IQCM: variants seen among roughly 807,000 people sequenced by gnomAD.
The protein encoded by IQCM is IQ domain-containing protein M.
A neutral mutation model predicts 57.6 loss-of-function variants in IQCM; 45 were observed. That is an observed-to-expected ratio of 0.78 (90% CI 0.62 to 1.00). The LOEUF is 1.00. IQCM is among the 50% of genes least tolerant of loss of function. The pLI, the probability that IQCM is intolerant of heterozygous loss-of-function variation, is 0.00. For synonymous variants in IQCM, 148 were observed against 158.9 expected (o/e 0.93, Z 0.51); for missense variants, 468 against 511.6 (o/e 0.91, Z 0.82).
At chr4:149,644,050 G>C (rs1758430592) in intron 7 of IQCM, among the ~76,000 whole-genome samples, 1 of 152,134 alleles carries the variant, frequency 6.6e-6, no homozygotes. Context: ...TGAAAATCAT[G>C]CTCCAAGAAA....
intron 7 of IQCM, among the ~76,000 whole-genome samples, chr4:149,680,136 A>G (rs1054704083): frequency 1.8e-4 from 27 of 151,464 alleles, no homozygotes; most frequent in African/African-American, 6.3e-4. Flanking sequence ...GAAAATCCCT[A>G]TTCTTATCTG....
chr4:149,402,334 A>C (rs555730737), intron 13 of IQCM, among the ~76,000 whole-genome samples: 1 of 151,800 alleles, frequency 6.6e-6, no homozygotes, highest in African/African-American at 2.4e-5. Context: ...TGGGGGCCTA[A>C]GGTCACAAAA....
At chr4:149,763,797 T>C (rs1769766848) in intron 2 of IQCM, among the ~76,000 whole-genome samples, 1 of 151,666 alleles carries the variant, frequency 6.6e-6, no homozygotes, top group Non-Finnish European at 1.5e-5. Flanking sequence ...CACTATGAAA[T>C]GAATGAAGAG....
At chr4:149,420,247 G>A (rs1184031734) in intron 13 of IQCM, among the ~76,000 whole-genome samples, 5 of 151,980 alleles carry the variant, frequency 3.3e-5, no homozygotes, top group Non-Finnish European at 7.4e-5. Context: ...CAAACCAAAT[G>A]CCCATCAATG....
chr4:149,548,658 G>C (rs1237734212), intron 11 of IQCM, 69 bp from the exon 12 acceptor site: 7 of 773,990 alleles, frequency 9.0e-6, no homozygotes, highest in Admixed American at 4.3e-5. Context: ...TTTAACTCTA[G>C]CTTTATTTTC....
chr4:149,351,950 A>G lies in IQCM; in HGVS notation c.*1T>C. ...TTACAGGTAATAATATGTTGGAAAC[A>G]TCATTCAACTTTACATGACTTATAA... On this transcript the variant is annotated 3_prime_UTR_variant, in exon 14 of 14. Transcript: ENST00000636793. 2.5e-6 allele frequency: 1 copy of G among 398,964 alleles called. No individual in the cohort carries two copies. Among genetic ancestry groups the G allele is most frequent in the Non-Finnish European group, 4.4e-6 (1 of 226,016 alleles). 24.7% of individuals were successfully genotyped at this position (398,964 alleles called of 1,614,324 possible).
intron 13 of IQCM, among the ~76,000 whole-genome samples, chr4:149,407,133 A>T (rs538939437): frequency 1.7e-3 from 254 of 152,246 alleles, no homozygotes; most frequent in Middle Eastern, 0.014. Context: ...TGAGAACAGT[A>T]TGGGGGAAAC....
chr4:149,793,873 C>A (rs566562972), intron 2 of IQCM, among the ~76,000 whole-genome samples: 1 of 152,300 alleles, frequency 6.6e-6, no homozygotes, highest in Non-Finnish European at 1.5e-5. Flanking sequence ...GGCAGGAGGG[C>A]AGACTGAGCA....
At chr4:149,753,956 G>T (rs1449411403) in intron 2 of IQCM, among the ~76,000 whole-genome samples, 5 of 151,930 alleles carry the variant, frequency 3.3e-5, no homozygotes, top group African/African-American at 1.2e-4. Context: ...ACTTCCTAGT[G>T]AGTATCAGAA....
intron 13 of IQCM, among the ~76,000 whole-genome samples, chr4:149,384,553 T>G (rs1731286426): frequency 6.6e-6 from 1 of 152,100 alleles, no homozygotes; most frequent in Non-Finnish European, 1.5e-5. Context: ...AATTTACCGT[T>G]TTTAGAAGGC....
At chr4:149,513,025 A>G (rs1744583125) in intron 12 of IQCM, among the ~76,000 whole-genome samples, 1 of 152,232 alleles carries the variant, frequency 6.6e-6, no homozygotes, top group Non-Finnish European at 1.5e-5. Flanking sequence ...AATGCAGACT[A>G]GTGAACTATT....
intron 12 of IQCM, among the ~76,000 whole-genome samples, chr4:149,481,873 T>A (rs1740934490): frequency 6.6e-6 from 1 of 151,170 alleles, no homozygotes; most frequent in South Asian, 2.1e-4. Flanking sequence ...GTATGGACAT[T>A]TTAAAAATAG....
intron 7 of IQCM, among the ~76,000 whole-genome samples, chr4:149,669,202 G>T (rs996959894): frequency 6.6e-6 from 1 of 152,060 alleles, no homozygotes; most frequent in African/African-American, 2.4e-5. Context: ...TCTCGTTGTG[G>T]TTTTGATTTG....
intron 13 of IQCM, among the ~76,000 whole-genome samples, chr4:149,426,831 C>A (rs1374135410): frequency 6.6e-6 from 1 of 151,904 alleles, no homozygotes; most frequent in African/African-American, 2.4e-5. Context: ...CTGCTATATT[C>A]TATTGGTAAC....
At chr4:149,634,643 G>A (rs1012384519) in intron 7 of IQCM, among the ~76,000 whole-genome samples, 2 of 152,214 alleles carry the variant, frequency 1.3e-5, no homozygotes, top group East Asian at 3.9e-4. Flanking sequence ...TATAACAAAA[G>A]CCTTTAACCT....
intron 5 of IQCM, among the ~76,000 whole-genome samples, chr4:149,696,394 A>G (rs1763344142): frequency 6.6e-6 from 1 of 151,892 alleles, no homozygotes; most frequent in South Asian, 2.1e-4. Flanking sequence ...CTTCTATCAG[A>G]CCTCCAATGA....
At chr4:149,688,136 A>G (rs1322142538) in intron 5 of IQCM, among the ~76,000 whole-genome samples, 1 of 152,018 alleles carries the variant, frequency 6.6e-6, no homozygotes, top group Non-Finnish European at 1.5e-5. Context: ...AGGGCATCCA[A>G]ATCTCTAAAG....
At chr4:149,660,384 G>A (rs2150152741) in intron 7 of IQCM, among the ~76,000 whole-genome samples, 1 of 152,152 alleles carries the variant, frequency 6.6e-6, no homozygotes, top group South Asian at 2.1e-4. Flanking sequence ...ACTGTTGGTG[G>A]GACTGTAAAC....
At chr4:149,654,709 T>G (rs1759489286) in intron 7 of IQCM, among the ~76,000 whole-genome samples, 2 of 152,146 alleles carry the variant, frequency 1.3e-5, no homozygotes, top group African/African-American at 4.8e-5. Context: ...AATATAGAAA[T>G]GAGTGACCAA....
Sources: allele counts gnomAD v4.1 joint callset (sites outside exome capture counted in the v4.1 genomes callset), GRCh38; gene constraint gnomAD v4.1.1; transcripts MANE v1.5; gene names NCBI Gene and HGNC (gene_info 2026-07-23, HGNC 2026-07-21).